The following CASK variants were observed in gnomAD, a reference collection of about 807,000 sequenced individuals.
The protein encoded by CASK is calcium/calmodulin dependent serine protein kinase.
In CASK, 4 loss-of-function variants were observed where a neutral mutation model predicts 82.9. The ratio of observed to expected loss-of-function variants is 0.05; its 90% CI spans 0.02 to 0.11. The LOEUF (loss-of-function observed/expected upper bound fraction) is 0.11, where lower values mean the gene tolerates loss of function less well. Ranked by LOEUF, CASK falls within the 10% of genes least tolerant of loss-of-function variation. The probability of loss-of-function intolerance (pLI) is 1.00; values close to 1 mark genes in which losing one functional copy is unlikely to be tolerated. For synonymous variants in CASK, 259 were observed against 253.5 expected (o/e 1.02, Z -0.20); for missense variants, 358 against 720.9 (o/e 0.50, Z 5.76).
chrX:41,637,040 C>A (rs1040608604), intron 8 of CASK, among the ~76,000 whole-genome samples: 1 of 110,886 alleles, frequency 9.0e-6, no homozygotes, highest in Non-Finnish European at 1.9e-5. Flanking sequence ...CTCACTGCAG[C>A]CTCAAACCCC....
chrX:41,595,126 T>C (rs1463249757), intron 12 of CASK, among the ~76,000 whole-genome samples: 1 of 112,356 alleles, frequency 8.9e-6, no homozygotes, highest in African/African-American at 3.2e-5. Flanking sequence ...TAACATAAAA[T>C]AAACACACCA....
intron 1 of CASK, among the ~76,000 whole-genome samples, chrX:41,883,777 C>G (rs1377403230): frequency 9.0e-6 from 1 of 111,296 alleles, no homozygotes; most frequent in Non-Finnish European, 1.9e-5. Context: ...AAAATGTGCT[C>G]CCCAAAGAGC....
intron 22 of CASK, among the ~76,000 whole-genome samples, chrX:41,538,693 A>G (rs2064908432): frequency 8.9e-6 from 1 of 112,382 alleles, no homozygotes; most frequent in East Asian, 2.8e-4. Context: ...TCTTTTAAGT[A>G]TTTATGTAAC....
chrX:41,609,761 G>T, intron 12 of CASK, 143 bp downstream of exon 12: 1 of 574,487 alleles, frequency 1.7e-6, no homozygotes, highest in Non-Finnish European at 2.8e-6. Flanking sequence ...GTTTCACCAT[G>T]TTGGCCAGGA....
chrX:41,589,724 T>A (rs749222202), intron 12 of CASK, 132 bp from the exon 13 acceptor site: 11 of 500,891 alleles, frequency 2.2e-5, no homozygotes, highest in Non-Finnish European at 3.9e-5. Flanking sequence ...TGGGATCCTC[T>A]TGGTAATAAC....
At chrX:41,739,586 G>C in intron 4 of CASK, 130 bp from the exon 5 acceptor site, 1 of 478,735 alleles carries the variant, frequency 2.1e-6, no homozygotes, top group Non-Finnish European at 3.7e-6. Context: ...TGAGCAGACA[G>C]GATTGGTGTA....
chrX:41,732,912 T>C (rs2068423849), intron 5 of CASK, among the ~76,000 whole-genome samples: 1 of 109,726 alleles, frequency 9.1e-6, no homozygotes, highest in Admixed American at 9.8e-5. Context: ...TATTTTTTGA[T>C]AGAGATAGGG....
chrX:41,675,943 G>A (rs2067258213), intron 5 of CASK: 7 of 1,207,687 alleles, frequency 5.8e-6, no homozygotes, highest in Non-Finnish European at 7.8e-6. Context: ...CTTTCTCTGG[G>A]GAGTTCAGAA....
At chrX:41,613,122 T>C (rs1453337202) in intron 11 of CASK, among the ~76,000 whole-genome samples, 9 of 111,719 alleles carry the variant, frequency 8.1e-5, no homozygotes, top group African/African-American at 2.3e-4. Context: ...CCACCCCGTC[T>C]GGGAGGTGTA....
chrX:41,752,832 T>C (rs2068821590), intron 3 of CASK, among the ~76,000 whole-genome samples: 1 of 111,755 alleles, frequency 8.9e-6, no homozygotes, highest in Admixed American at 9.5e-5. Context: ...GATAGAACAA[T>C]ACACCAATAC....
In CASK at chrX:41,853,235, AC is replaced by A. The variant is rs1265096228; in HGVS notation, c.60-9del. 6.4e-6 allele frequency: 7 copies of A among 1,090,344 alleles called. No homozygotes were observed. Among genetic ancestry groups the A allele is most frequent in the Non-Finnish European group, 8.9e-6 (7 of 789,121 alleles). 89.9% of individuals were successfully genotyped at this position (1,090,344 alleles called of 1,213,427 possible). A position where few individuals can be genotyped will look rare whatever the true frequency, so the allele number is the denominator to read the frequency against. On this transcript the variant is annotated splice_polypyrimidine_tract_variant and intron_variant, in intron 1 of 26. Transcript: ENST00000378163. ...ACAACACTGAAGGGACCCCTATAAA[AC>A]AAAAAGTCAATTTTAATTCATTGAT...
intron 3 of CASK, among the ~76,000 whole-genome samples, chrX:41,763,481 G>A (rs889133422): frequency 4.5e-5 from 5 of 110,727 alleles, no homozygotes; most frequent in Non-Finnish European, 9.4e-5. Context: ...AGGCAACATG[G>A]TGAAACCCTG....
chrX:41,543,527 T>C (rs1337654827), intron 21 of CASK, among the ~76,000 whole-genome samples: 3 of 112,187 alleles, frequency 2.7e-5, no homozygotes, highest in African/African-American at 9.7e-5. Flanking sequence ...TCTGATTAAA[T>C]TCACAGTTAT....
chrX:41,624,797 C>A (rs1272213401), intron 10 of CASK, among the ~76,000 whole-genome samples: 2 of 111,536 alleles, frequency 1.8e-5, no homozygotes, highest in Non-Finnish European at 3.8e-5. Flanking sequence ...AGGAAAGAAG[C>A]ATTAGCACAT....
chrX:41,522,723 T>C (rs1278625394), intron 26 of CASK, among the ~76,000 whole-genome samples: 2 of 112,312 alleles, frequency 1.8e-5, no homozygotes, highest in African/African-American at 6.5e-5. Context: ...AGAAAATTTA[T>C]GGCTGAAAGT....
At chrX:41,769,572 C>A (rs1292678957) in intron 3 of CASK, among the ~76,000 whole-genome samples, 1 of 110,845 alleles carries the variant, frequency 9.0e-6, no homozygotes, top group Non-Finnish European at 1.9e-5. Flanking sequence ...CTAGGTGGCA[C>A]TGAAAATCTA....
intron 2 of CASK, among the ~76,000 whole-genome samples, chrX:41,796,762 C>A (rs1379318322): frequency 9.0e-6 from 1 of 111,594 alleles, no homozygotes; most frequent in African/African-American, 3.3e-5. Context: ...TATGCAGCTG[C>A]CAAAACCTGT....
chrX:41,547,852 T>C (rs1393227792), intron 21 of CASK, among the ~76,000 whole-genome samples: 3 of 111,587 alleles, frequency 2.7e-5, no homozygotes, highest in Non-Finnish European at 5.7e-5. Flanking sequence ...CTCGATCTCC[T>C]GACCTCATGA....
intron 3 of CASK, among the ~76,000 whole-genome samples, chrX:41,760,090 G>T (rs938126209): frequency 3.6e-5 from 4 of 111,956 alleles, no homozygotes; most frequent in African/African-American, 1.3e-4. Context: ...TGTTGTTTAC[G>T]TTAACATACA....
Sources: gnomAD v4.1 joint callset for allele counts (sites outside exome capture counted in the v4.1 genomes callset) on GRCh38, gnomAD v4.1.1 for gene constraint, MANE v1.5 for transcripts, NCBI Gene and HGNC (gene_info 2026-07-23, HGNC 2026-07-21) for gene names.